Variants in NHSL1 observed in about 807,000 individuals in gnomAD.
NHSL1 encodes the protein NHS like 1.
A neutral mutation model predicts 95.0 loss-of-function variants in NHSL1; 48 were observed. That is an observed-to-expected ratio of 0.51 (90% confidence interval 0.40 to 0.64). NHSL1 has a LOEUF of 0.64. Ranked by LOEUF, NHSL1 falls within the 30% of genes least tolerant of loss-of-function variation. The pLI is 0.00. For synonymous variants in NHSL1, 783 were observed against 833.9 expected (o/e 0.94, Z 1.05); for missense variants, 1,971 against 2,077.7 (o/e 0.95, Z 1.00).
chr6:138,689,073 A>C (rs563839023), intron 1 of NHSL1, among the ~76,000 whole-genome samples: 1 of 152,280 alleles, frequency 6.6e-6, no homozygotes, highest in South Asian at 2.1e-4. Flanking sequence ...CCTGCCTCAA[A>C]AGATCCATCC....
rs1240573001 is a variant in NHSL1 at position 138,424,770 on chromosome 6, A to G, written c.4132T>C (p.Ser1378Pro). ...LGRRDSDDDH[S>P]RNHSPSPPVT... ...GGCGGGGAGGGAGAATGGTTTCGGG[A>G]GTGGTCATCATCTGAATCTCTACGG... The change falls in exon 8 of 8, where the codon TCC (serine) becomes CCC (proline). Residue 1378 changes from serine (S) to proline (P), a missense_variant. Physicochemically the swap from Ser to Pro is moderately conservative, Grantham distance 74. Around this residue, in one of 3 missense-constraint regions of NHSL1, gnomAD observed 146 missense variants for 206.3 expected, o/e 0.71. Transcript: ENST00000343505. This position sits in a 1 kb window ranked among gnomAD's most constrained non-coding sequence, Gnocchi z 5.9. 6.4e-7 allele frequency: 1 copy of G among 1,551,210 alleles called. No homozygotes were observed. The highest frequency in any genetic ancestry group is 8.7e-7 in the Non-Finnish European group (1 of 1,146,786).
intron 1 of NHSL1, among the ~76,000 whole-genome samples, chr6:138,524,563 T>C (rs777876998): frequency 2.0e-5 from 3 of 152,228 alleles, no homozygotes; most frequent in Non-Finnish European, 4.4e-5. Context: ...TGGTAAAAGA[T>C]TACTTATCTG....
intron 1 of NHSL1, among the ~76,000 whole-genome samples, chr6:138,521,753 G>A (rs979194505): frequency 6.6e-6 from 1 of 152,188 alleles, no homozygotes; most frequent in Non-Finnish European, 1.5e-5. Flanking sequence ...GTGGCTAGAA[G>A]ATAATTAGAT....
chr6:138,530,132 G>C (rs971410140), intron 1 of NHSL1, among the ~76,000 whole-genome samples: 3 of 152,140 alleles, frequency 2.0e-5, no homozygotes, highest in Non-Finnish European at 4.4e-5. Flanking sequence ...AGGAGGTGGG[G>C]CCTTTGGAAG....
intron 2 of NHSL1, among the ~76,000 whole-genome samples, chr6:138,490,982 T>TA (rs1370409828): frequency 2.0e-5 from 3 of 152,238 alleles, no homozygotes; most frequent in Non-Finnish European, 4.4e-5. Context: ...CCATTGTTTT[T>TA]AATCACTTGC....
intron 1 of NHSL1, among the ~76,000 whole-genome samples, chr6:138,582,079 T>C (rs1784067713): frequency 6.6e-6 from 1 of 151,982 alleles, no homozygotes; most frequent in African/African-American, 2.4e-5. Context: ...GTATTTTTAG[T>C]AGAGACGGGC....
chr6:138,472,371 C>T (rs1778809813), intron 3 of NHSL1, among the ~76,000 whole-genome samples: 1 of 152,118 alleles, frequency 6.6e-6, no homozygotes, highest in Admixed American at 6.5e-5. Flanking sequence ...CTCATCCTTC[C>T]AAGTAGTTGA....
rs146427830 is a variant in NHSL1, at chr6:138,577,870, G to C, written c.97-81499C>G. 4.3e-4 allele frequency among the ~76,000 whole-genome samples: 65 copies of C among 151,982 alleles called. No homozygotes were observed. In the East Asian group the frequency reaches 7.1e-3, roughly 17 times the overall value. On this transcript the variant is annotated intron_variant, in intron 1 of 3. Transcript: ENST00000491526. ...AATTAAAAAAACAAAACAACCAAAC[G>C]GTATTACCCCCAGGACCACAGCAAA...
At chr6:138,455,076 G>A (rs1042160407) in intron 3 of NHSL1, among the ~76,000 whole-genome samples, 1 of 152,174 alleles carries the variant, frequency 6.6e-6, no homozygotes, top group Non-Finnish European at 1.5e-5. Flanking sequence ...AAAAGGCGTG[G>A]GAATGACAGA....
Position 138,431,634 on chromosome 6 carries a change from G to A in NHSL1, c.2711C>T (p.Ser904Phe). The change falls in exon 6 of 8, where the codon TCT becomes TTT. Residue 904 changes from serine to phenylalanine, a missense_variant. Physicochemically the swap from Ser to Phe is radical, Grantham distance 155. Transcript: ENST00000343505. The surrounding 1 kb of genome is among the most constrained non-coding windows in gnomAD (Gnocchi z 4.0). ...TTCAGTAGAAGTACTAGAAGAAAGAGAAGTGGACGATGAGGAAATGGATAC... is the reference window on the plus strand; with the variant it reads ...TTCAGTAGAAGTACTAGAAGAAAGAAAAGTGGACGATGAGGAAATGGATAC... ...SSVSISSSST[S>F]LSSSTSTEGS... 6.4e-7 allele frequency: 1 copy of A among 1,551,704 alleles called. No homozygotes were observed. The highest frequency in any genetic ancestry group is 2.4e-5 in the East Asian group (1 of 40,924).
At chr6:138,499,136 C>CGG (rs1233997559) in intron 1 of NHSL1, 97 bp downstream of exon 1, 2 of 389,182 alleles carry the variant, frequency 5.1e-6, no homozygotes, top group African/African-American at 1.2e-4. Flanking sequence ...CACACATGGA[C>CGG]ACACACACAC....
chr6:138,690,818 A>C (rs1785656235), intron 1 of NHSL1, among the ~76,000 whole-genome samples: 1 of 152,246 alleles, frequency 6.6e-6, no homozygotes, highest in Non-Finnish European at 1.5e-5. Flanking sequence ...ACCTTAGTTA[A>C]TATGGAGAAT....
intron 2 of NHSL1, among the ~76,000 whole-genome samples, chr6:138,491,815 T>C (rs942105481): frequency 2.0e-5 from 3 of 152,324 alleles, no homozygotes; most frequent in Non-Finnish European, 2.9e-5. Context: ...TTTGGAATAT[T>C]TGCATTATAA....
At position 138,581,878 on chromosome 6, in the gene NHSL1, G is replaced by A. The variant is rs530525974; in HGVS notation, c.97-85507C>T. 2.0e-5 allele frequency among the ~76,000 whole-genome samples: 3 copies of A among 148,250 alleles called. No homozygotes were observed. In the South Asian group the frequency reaches 6.4e-4, roughly 31 times the overall value. ...GAATGAGGAAAAAAAATTAGATTTT[G>A]AGGTTCTACTTTTTCTTTCTTTTTT... On this transcript the variant is annotated intron_variant, in intron 1 of 3. Transcript: ENST00000491526.
chr6:138,568,025 G>C (rs916198553), intron 1 of NHSL1, among the ~76,000 whole-genome samples: 1 of 152,138 alleles, frequency 6.6e-6, no homozygotes, highest in Non-Finnish European at 1.5e-5. Context: ...TTTTATTTGA[G>C]TGAGCAAGAA....
chr6:138,588,259 TCAAGAC>T (rs1784170843), intron 1 of NHSL1, among the ~76,000 whole-genome samples: 1 of 152,122 alleles, frequency 6.6e-6, no homozygotes, highest in African/African-American at 2.4e-5. Flanking sequence ...GGTCAAGAGT[TCAAGAC>T]CAGCCTGGGC....
intron 1 of NHSL1, among the ~76,000 whole-genome samples, chr6:138,531,545 G>GTCTT (rs1161820274): frequency 3.3e-5 from 5 of 150,846 alleles, no homozygotes; most frequent in Admixed American, 6.6e-5. Flanking sequence ...CTGAAACAGG[G>GTCTT]TCTTGCTCTG....
chr6:138,553,597 AATC>A (rs1562366823), intron 1 of NHSL1, among the ~76,000 whole-genome samples: 2 of 152,238 alleles, frequency 1.3e-5, no homozygotes, highest in Non-Finnish European at 2.9e-5. Flanking sequence ...TCCAAAAGCA[AATC>A]ATTAGTGGAA....
upstream of NHSL1, among the ~76,000 whole-genome samples, chr6:138,499,787 G>C (rs1218723733): frequency 1.3e-5 from 2 of 152,156 alleles, no homozygotes; most frequent in Non-Finnish European, 2.9e-5. Context: ...TGCCAAGTCT[G>C]ACAGCAATTC....
Sources: gnomAD v4.1 joint callset for allele counts (sites outside exome capture counted in the v4.1 genomes callset) on GRCh38, gnomAD v4.1.1 for gene constraint, gnomAD v4.1.1 regional missense constraint, Gnocchi (gnomAD v3.1) non-coding constraint, MANE v1.5 for transcripts, NCBI Gene and HGNC (gene_info 2026-07-23, HGNC 2026-07-21) for gene names.